Variants in CIT observed in about 807,000 individuals in gnomAD.
CIT encodes the protein citron rho-interacting serine/threonine kinase, also known as citron Rho-interacting kinase.
CIT carries 79 observed loss-of-function variants against 272.7 expected under a neutral mutation model. The observed-to-expected ratio is 0.29, with a 90% confidence interval of 0.24 to 0.35. The LOEUF (loss-of-function observed/expected upper bound fraction) is 0.35, where lower values mean the gene tolerates loss of function less well. Ranked by LOEUF, CIT falls within the 10% of genes least tolerant of loss-of-function variation. CIT has a pLI of 1.00. For missense variants in CIT, 1,909 were observed against 2,618.3 expected (o/e 0.73, Z 5.91); for synonymous variants, 948 against 995.6 (o/e 0.95, Z 0.90).
chr12:119,851,719 T>C (rs1205524715), intron 4 of CIT, among the ~76,000 whole-genome samples: 3 of 152,212 alleles, frequency 2.0e-5, no homozygotes, highest in Non-Finnish European at 4.4e-5. Flanking sequence ...CACTTGAAAG[T>C]AACTCCCCAT....
intron 24 of CIT, among the ~76,000 whole-genome samples, chr12:119,736,845 T>C (rs976809543): frequency 6.6e-6 from 1 of 152,174 alleles, no homozygotes; most frequent in African/African-American, 2.4e-5. Context: ...ATGTTTTTCA[T>C]AATGTCTCCA....
intron 5 of CIT, among the ~76,000 whole-genome samples, chr12:119,841,399 T>G (rs1323778310): frequency 6.6e-6 from 1 of 152,038 alleles, no homozygotes; most frequent in Admixed American, 6.6e-5. Context: ...GGTCTCAAAT[T>G]CCTGATCTCA....
intron 4 of CIT, among the ~76,000 whole-genome samples, chr12:119,854,973 A>C (rs1970492194): frequency 1.3e-5 from 2 of 152,094 alleles, no homozygotes; most frequent in South Asian, 4.1e-4. Context: ...TAAATAATAA[A>C]GTTAACTGGG....
At chr12:119,753,053 G>A (rs1372361398) in intron 22 of CIT, among the ~76,000 whole-genome samples, 1 of 152,108 alleles carries the variant, frequency 6.6e-6, no homozygotes. Context: ...AAAATTCCAG[G>A]CAGGGGAAGC....
At position 119,689,666 on chromosome 12, in the gene CIT, C is replaced by CTTTTTT. The variant is rs531946559; in HGVS notation, c.6186+479_6186+484dup. On this transcript the variant is annotated intron_variant, in intron 47 of 47. Coordinates refer to ENST00000392521, the MANE Select transcript of CIT (RefSeq NM_001206999.2). ...ACGTTATCCATTTGCTTAGGAAGCT[C>CTTTTTT]TTTTTTTTTTTTTTTTTTTTTTTTT... Among the ~76,000 whole-genome samples the CTTTTTT allele has an allele frequency of 4.7e-3, 356 of 75,068 alleles. 52 individuals are homozygous for CTTTTTT. Among genetic ancestry groups the CTTTTTT allele is most frequent in the African/African-American group, 0.013 (276 of 21,368 alleles). 49.2% of individuals were successfully genotyped at this position (75,068 alleles called of 152,430 possible). A position where few individuals can be genotyped will look rare whatever the true frequency, so the allele number is the denominator to read the frequency against.
chr12:119,831,094 G>C (rs1008488819), intron 7 of CIT, among the ~76,000 whole-genome samples: 2 of 152,140 alleles, frequency 1.3e-5, no homozygotes, highest in African/African-American at 4.8e-5. Context: ...TCAAACTCCA[G>C]CAATCCTCCC....
At chr12:119,868,042 A>T (rs969769468) in intron 3 of CIT, among the ~76,000 whole-genome samples, 3 of 152,176 alleles carry the variant, frequency 2.0e-5, no homozygotes, top group Non-Finnish European at 4.4e-5. Context: ...CAGCCTGGGT[A>T]ACATAGTAAG....
intron 5 of CIT, among the ~76,000 whole-genome samples, chr12:119,845,943 A>AAAACACACAC: frequency 7.3e-6 from 1 of 137,054 alleles, no homozygotes; most frequent in African/African-American, 2.8e-5. Context: ...TCCATCTCAA[A>AAAACACACAC]ACACACACAC....
At chr12:119,809,825 T>A (rs1436659444) in intron 9 of CIT, among the ~76,000 whole-genome samples, 2 of 152,220 alleles carry the variant, frequency 1.3e-5, no homozygotes, top group Non-Finnish European at 2.9e-5. Flanking sequence ...TTTCGTGCAA[T>A]CCCATTTCTA....
chr12:119,739,363 G>A (rs1958946998), intron 24 of CIT, among the ~76,000 whole-genome samples: 1 of 152,134 alleles, frequency 6.6e-6, no homozygotes, highest in Admixed American at 6.5e-5. Context: ...CTTTTTGAAA[G>A]CTGAAGAGAG....
At position 119,760,203 on chromosome 12, in the gene CIT, A is replaced by G. The variant is rs894031314; in HGVS notation, c.2421+736T>C. Among the ~76,000 whole-genome samples, 71 of 151,500 alleles carry G rather than the reference A, an allele frequency of 4.7e-4. 1 individual carries two copies. The highest frequency in any genetic ancestry group is 1.7e-3 in the South Asian group (8 of 4,792). On this transcript the variant is annotated intron_variant, in intron 20 of 47. Transcript: ENST00000392521. ...TTCCATCTCAAAAAAAAAAAAAAAA[A>G]AGAGAGAGATTCTGATATGGTAAGT...
Position 119,718,166 on chromosome 12 carries a change from C to G in CIT, c.4168+79G>C. On this transcript the variant is annotated intron_variant, in intron 32 of 47. Coordinates refer to ENST00000392521, the MANE Select transcript of CIT (RefSeq NM_001206999.2). This position sits in a 1 kb window ranked among gnomAD's most constrained non-coding sequence, Gnocchi z 4.8. ...AGACTGACTTTTTAATCTTTAACCC[C>G]TAGTATTACTTGTAATTTTTACCAT... 6.8e-7 allele frequency: 1 copy of G among 1,476,388 alleles called. No individual in the cohort carries two copies. Among genetic ancestry groups the G allele is most frequent in the Non-Finnish European group, 9.1e-7 (1 of 1,094,898 alleles). 91.5% of individuals were successfully genotyped at this position (1,476,388 alleles called of 1,614,324 possible).
rs1438362690 is a variant in CIT at position 119,728,212 on chromosome 12, T to G, written c.3591+290A>C. Reference sequence around the variant, plus strand: ...AAGGTGGATAACTGTCATTACACATTTGTCAAAACCCATAGAACATACAAC... The same window carrying G: ...AAGGTGGATAACTGTCATTACACATGTGTCAAAACCCATAGAACATACAAC... On this transcript the variant is annotated intron_variant, in intron 28 of 47. Transcript: ENST00000392521. The surrounding 1 kb of genome is among the most constrained non-coding windows in gnomAD (Gnocchi z 4.3). Among the ~76,000 whole-genome samples the G allele has an allele frequency of 6.6e-6, 1 of 152,134 alleles. No individual in the cohort carries two copies. Among genetic ancestry groups the G allele is most frequent in the Non-Finnish European group, 1.5e-5 (1 of 68,026 alleles).
At chr12:119,857,745 T>C in intron 3 of CIT, 47 bp from the exon 4 acceptor site, 7 of 1,518,458 alleles carry the variant, frequency 4.6e-6, no homozygotes, top group Non-Finnish European at 6.2e-6. Context: ...AGCATGCAAA[T>C]ATATGCATCT....
At chr12:119,721,867 T>C (rs1490373144) in intron 28 of CIT, among the ~76,000 whole-genome samples, 2 of 152,200 alleles carry the variant, frequency 1.3e-5, no homozygotes, top group Non-Finnish European at 2.9e-5. Flanking sequence ...TCTTAATTGT[T>C]GCTATGAGAA....
At position 119,710,887 on chromosome 12, in the gene CIT, C is replaced by T. The variant is rs1957127390; in HGVS notation, c.4855-267G>A. On this transcript the variant is annotated intron_variant, in intron 37 of 47. Coordinates refer to ENST00000392521, the MANE Select transcript of CIT (RefSeq NM_001206999.2). The surrounding 1 kb of genome is among the most constrained non-coding windows in gnomAD (Gnocchi z 5.6). The stretch of plus-strand genomic sequence containing the variant: ...TGCAGAAATAAGGGAGGGTAGTAGA[C>T]ATGGAAAGCTATTCTGTAATAAGAA... 1.6e-6 allele frequency: 1 copy of T among 624,450 alleles called. No individual in the cohort carries two copies. Among genetic ancestry groups the T allele is most frequent in the Admixed American group, 2.9e-5 (1 of 34,114 alleles). 38.7% of individuals were successfully genotyped at this position (624,450 alleles called of 1,614,324 possible). A position where few individuals can be genotyped will look rare whatever the true frequency, so the allele number is the denominator to read the frequency against.
In CIT at chr12:119,713,435, C is replaced by T; in HGVS notation, c.4487+33G>A. 6.2e-7 allele frequency: 1 copy of T among 1,605,530 alleles called. No homozygotes were observed. Among genetic ancestry groups the T allele is most frequent in the Non-Finnish European group, 8.5e-7 (1 of 1,175,430 alleles). The stretch of plus-strand genomic sequence containing the variant: ...AGGGACAGAGTGGCTTGTGCCAGCA[C>T]CTGCTCCAGCCCAAGCCACCCTGAC... On this transcript the variant is annotated intron_variant, in intron 34 of 47. Transcript: ENST00000392521. The surrounding 1 kb of genome is among the most constrained non-coding windows in gnomAD (Gnocchi z 5.2).
At chr12:119,795,023 C>A (rs1400134633) in intron 10 of CIT, among the ~76,000 whole-genome samples, 1 of 152,206 alleles carries the variant, frequency 6.6e-6, no homozygotes, top group Admixed American at 6.5e-5. Context: ...ATTCCAAAGC[C>A]TGGACTTTGA....
At chr12:119,711,187 C>T in intron 37 of CIT, 2 of 997,700 alleles carry the variant, frequency 2.0e-6, no homozygotes, top group Non-Finnish European at 2.9e-6. Flanking sequence ...GAGTAAAGCC[C>T]TTTTCAGGAG....
Sources: gnomAD v4.1 joint callset for allele counts (sites outside exome capture counted in the v4.1 genomes callset) on GRCh38, gnomAD v4.1.1 for gene constraint, Gnocchi (gnomAD v3.1) non-coding constraint, MANE v1.5 for transcripts, NCBI Gene and HGNC (gene_info 2026-07-23, HGNC 2026-07-21) for gene names.